CFAP57: variants seen among roughly 807,000 people sequenced by gnomAD.
The protein encoded by CFAP57 is cilia and flagella associated protein 57.
Under a neutral mutation model 146.8 loss-of-function variants are expected in CFAP57, and 116 were observed. The ratio of observed to expected loss-of-function variants is 0.79; its 90% CI spans 0.68 to 0.92. The LOEUF is 0.92. CFAP57 is among the 40% of genes least tolerant of loss of function. The pLI, the probability that CFAP57 is intolerant of heterozygous loss-of-function variation, is 0.00. For missense variants in CFAP57, 1,377 were observed against 1,527.2 expected (o/e 0.90, Z 1.64); for synonymous variants, 518 against 552.8 (o/e 0.94, Z 0.88).
intron 2 of CFAP57, 22 bp downstream of exon 2, chr1:43,172,932 C>T (rs1249000310): frequency 6.2e-7 from 1 of 1,604,654 alleles, no homozygotes. Flanking sequence ...TCCATCCTGA[C>T]ATATACAGGA....
intron 2 of CFAP57, among the ~76,000 whole-genome samples, chr1:43,174,653 T>G (rs1422040821): frequency 6.6e-6 from 1 of 151,992 alleles, no homozygotes; most frequent in African/African-American, 2.4e-5. Context: ...CCGTCTCTAC[T>G]AAAAATACAA....
chr1:43,186,926 T>C lies in CFAP57; in HGVS notation c.1122+67T>C, dbSNP rs1384882728. On this transcript the variant is annotated intron_variant, in intron 6 of 22. Transcript: ENST00000372492. The stretch of plus-strand genomic sequence containing the variant: ...CTGCCTGCTGGGGGACTAGTCACCA[T>C]GTGGGCAAATTTTAATCCAAATAAG... 4.4e-6 allele frequency: 7 copies of C among 1,591,786 alleles called. No individual in the cohort carries two copies. The East Asian group carries it at 1.6e-4, about 36-fold the overall frequency.
intron 6 of CFAP57, among the ~76,000 whole-genome samples, chr1:43,187,865 G>A (rs1643249125): frequency 2.6e-5 from 4 of 152,160 alleles, no homozygotes; most frequent in South Asian, 2.1e-4. Flanking sequence ...GTGCAGTGGT[G>A]TGATCATGGC....
intron 18 of CFAP57, 99 bp downstream of exon 18, chr1:43,227,225 C>A: frequency 7.5e-7 from 1 of 1,328,012 alleles, no homozygotes; most frequent in Non-Finnish European, 9.9e-7. Context: ...GCTCTTCTCA[C>A]AGTCCTCTCT....
chr1:43,222,698 C>G (rs928695619), intron 15 of CFAP57, 126 bp from the exon 16 acceptor site: 1 of 1,132,050 alleles, frequency 8.8e-7, no homozygotes, highest in African/African-American at 1.6e-5. Context: ...GTCTCCGTTT[C>G]TGGAATGACA....
At chr1:43,176,537 A>G (rs564419887) in intron 2 of CFAP57, among the ~76,000 whole-genome samples, 1 of 152,340 alleles carries the variant, frequency 6.6e-6, no homozygotes, top group Non-Finnish European at 1.5e-5. Flanking sequence ...CAGAGTCATG[A>G]TGAGGCTCAA....
At chr1:43,173,535 A>G (rs1056256483) in intron 2 of CFAP57, among the ~76,000 whole-genome samples, 1 of 152,210 alleles carries the variant, frequency 6.6e-6, no homozygotes, top group Non-Finnish European at 1.5e-5. Flanking sequence ...CACCCAGCAT[A>G]GGAAACAGAA....
intron 9 of CFAP57, among the ~76,000 whole-genome samples, chr1:43,200,329 T>C (rs560953114): frequency 6.6e-6 from 1 of 151,332 alleles, no homozygotes; most frequent in East Asian, 1.9e-4. Context: ...CTACAAAAAG[T>C]AAAAAATATT....
intron 21 of CFAP57, among the ~76,000 whole-genome samples, chr1:43,240,355 TC>T (rs1383764018): frequency 1.3e-5 from 2 of 152,224 alleles, no homozygotes; most frequent in African/African-American, 4.8e-5. Context: ...GGGACTGTTT[TC>T]CTTAGTAGGT....
Position 43,219,491 on chromosome 1 carries a change from C to T in CFAP57, c.2201C>T (p.Thr734Ile), listed in dbSNP as rs912730552. Reference protein sequence around the residue: ...MNYSEKIKELTDKFIQEMESL... With the variant: ...MNYSEKIKELIDKFIQEMESL... Reference sequence around the variant, plus strand: ...TATTCTGAGAAGATTAAGGAGCTAACAGACAAGTTCATCCAGGAAATGGAG... The same window carrying T: ...TATTCTGAGAAGATTAAGGAGCTAATAGACAAGTTCATCCAGGAAATGGAG... The change falls in exon 13 of 23, where the codon ACA becomes ATA. Residue 734 changes from threonine to isoleucine, a missense_variant. Thr to Ile is a moderately conservative substitution (Grantham distance 89). Transcript: ENST00000372492. 27 of 1,550,382 alleles carry T rather than the reference C, an allele frequency of 1.7e-5. No individual in the cohort carries two copies. In the African/African-American group the frequency reaches 2.5e-4, roughly 14 times the overall value.
At chr1:43,208,603 T>C (rs1644458506) in intron 10 of CFAP57, among the ~76,000 whole-genome samples, 1 of 152,018 alleles carries the variant, frequency 6.6e-6, no homozygotes, top group Non-Finnish European at 1.5e-5. Flanking sequence ...ATGAGAGCAC[T>C]TGGACACAGG....
chr1:43,195,717 A>T (rs548456400), intron 6 of CFAP57, among the ~76,000 whole-genome samples: 1 of 152,290 alleles, frequency 6.6e-6, no homozygotes, highest in South Asian at 2.1e-4. Flanking sequence ...TTCCTTAAAA[A>T]TTTCGTGTTG....
Position 43,228,524 on chromosome 1 carries a change from G to A in CFAP57, c.3009+1398G>A, listed in dbSNP as rs1037366987. Among the ~76,000 whole-genome samples, 30 of 148,996 alleles carry A rather than the reference G, an allele frequency of 2.0e-4. 1 individual carries two copies. The highest frequency in any genetic ancestry group is 1.2e-3 in the Admixed American group (18 of 15,158). On this transcript the variant is annotated intron_variant, in intron 18 of 22. Coordinates refer to ENST00000372492, the MANE Select transcript of CFAP57 (RefSeq NM_001378189.1). ...TGGGGGTGCCAGTCTGCCCGGTGAC[G>A]CCTGTACTCTGGTAAGCCCAGTAAA... is the stretch of plus-strand genomic sequence containing the variant.
At chr1:43,207,796 G>T (rs1323479184) in intron 10 of CFAP57, among the ~76,000 whole-genome samples, 1 of 152,194 alleles carries the variant, frequency 6.6e-6, no homozygotes, top group Non-Finnish European at 1.5e-5. Flanking sequence ...CTGGTGCCTG[G>T]GAAAGTGCGT....
intron 11 of CFAP57, among the ~76,000 whole-genome samples, chr1:43,213,724 G>A (rs1202703479): frequency 6.6e-6 from 1 of 151,972 alleles, no homozygotes; most frequent in Admixed American, 6.6e-5. Context: ...TCTGTTATTT[G>A]TTGTCTTTTT....
At chr1:43,186,554 T>C (rs536693674) in intron 5 of CFAP57, among the ~76,000 whole-genome samples, 153 bp from the exon 6 acceptor site, 2 of 134,696 alleles carry the variant, frequency 1.5e-5, no homozygotes, top group South Asian at 2.3e-4. Flanking sequence ...GAGCTTGCAG[T>C]GAGCTGAGAT....
Position 43,234,639 on chromosome 1 carries a change from G to A in CFAP57, c.3405+1G>A, listed in dbSNP as rs1486406714. On this transcript the variant is annotated splice_donor_variant, in intron 21 of 22. Coordinates refer to ENST00000372492, the MANE Select transcript of CFAP57 (RefSeq NM_001378189.1). LOFTEE classifies it high-confidence loss of function. Reference sequence around the variant, plus strand: ...CACAGACTACGTCCGCATCATGCAGGTACCTGCATGCTCCCCTCAGCCCCT... The same window carrying A: ...CACAGACTACGTCCGCATCATGCAGATACCTGCATGCTCCCCTCAGCCCCT... 3 of 1,547,946 alleles carry A rather than the reference G, an allele frequency of 1.9e-6. No homozygotes were observed. Among genetic ancestry groups the A allele is most frequent in the Non-Finnish European group, 2.6e-6 (3 of 1,145,796 alleles).
intron 21 of CFAP57, among the ~76,000 whole-genome samples, chr1:43,241,257 T>A (rs955368347): frequency 5.3e-5 from 8 of 152,306 alleles, no homozygotes; most frequent in Middle Eastern, 3.4e-3. Flanking sequence ...TACCTCCCTC[T>A]AGGCCCCACC....
chr1:43,201,698 C>T lies in CFAP57; in HGVS notation c.1542+2195C>T, dbSNP rs1389967140. On this transcript the variant is annotated intron_variant, in intron 9 of 22. Coordinates refer to ENST00000372492, the MANE Select transcript of CFAP57 (RefSeq NM_001378189.1). The surrounding 1 kb of genome is among the most constrained non-coding windows in gnomAD (Gnocchi z 4.4). ...TGGCACAATCTCAGCTCACCGCAAC[C>T]TCCGCCTCCCAGGTTCAAGCGATTC... 6.6e-6 allele frequency among the ~76,000 whole-genome samples: 1 copy of T among 152,216 alleles called. No homozygotes were observed. Among genetic ancestry groups the T allele is most frequent in the Non-Finnish European group, 1.5e-5 (1 of 68,048 alleles).
Sources: allele counts gnomAD v4.1 joint callset (sites outside exome capture counted in the v4.1 genomes callset), GRCh38; gene constraint gnomAD v4.1.1; non-coding constraint Gnocchi (gnomAD v3.1); transcripts MANE v1.5; gene names NCBI Gene and HGNC (gene_info 2026-07-23, HGNC 2026-07-21).